The following MON2 variants were observed in gnomAD, a reference collection of about 807,000 sequenced individuals.
MON2 encodes MON2 regulator of endosome-to-Golgi trafficking.
Under a neutral mutation model 208.6 loss-of-function variants are expected in MON2, and 84 were observed. That is an observed-to-expected ratio of 0.40 (90% confidence interval 0.34 to 0.48). MON2 has a LOEUF of 0.48. Ranked by LOEUF, MON2 falls within the 20% of genes least tolerant of loss-of-function variation. The pLI is 0.59. For missense variants in MON2, 1,611 were observed against 2,015.4 expected (o/e 0.80, Z 3.84); for synonymous variants, 660 against 694.0 (o/e 0.95, Z 0.77).
intron 4 of MON2, among the ~76,000 whole-genome samples, chr12:62,497,512 C>A (rs1055065155): frequency 6.6e-6 from 1 of 152,096 alleles, no homozygotes; most frequent in Non-Finnish European, 1.5e-5. Flanking sequence ...GAAAAAAGAC[C>A]GTACCAAGTG....
intron 9 of MON2, 80 bp from the exon 10 acceptor site, chr12:62,525,004 A>G: frequency 2.5e-6 from 3 of 1,204,642 alleles, no homozygotes; most frequent in Non-Finnish European, 2.3e-6. Flanking sequence ...TCTTATAGTA[A>G]TATCACTTGC....
intron 19 of MON2, among the ~76,000 whole-genome samples, chr12:62,542,099 A>G (rs1006158824): frequency 1.3e-5 from 2 of 152,176 alleles, no homozygotes; most frequent in Non-Finnish European, 2.9e-5. Flanking sequence ...CTACTATACC[A>G]TATTCTCCCT....
chr12:62,491,436 A>G (rs2132648), intron 2 of MON2, among the ~76,000 whole-genome samples: 2 of 151,974 alleles, frequency 1.3e-5, no homozygotes, highest in Non-Finnish European at 2.9e-5. Context: ...CTTAAAATCA[A>G]TGGCATCTTA....
At chr12:62,514,737 C>T (rs1013815501) in intron 8 of MON2, among the ~76,000 whole-genome samples, 1 of 152,122 alleles carries the variant, frequency 6.6e-6, no homozygotes, top group Non-Finnish European at 1.5e-5. Flanking sequence ...AAATTACATA[C>T]CTGAAAAGGG....
rs2073038229 is a variant in MON2 at position 62,537,585 on chromosome 12, T to G, written c.2014-17T>G. On this transcript the variant is annotated splice_polypyrimidine_tract_variant and intron_variant, in intron 15 of 34. Coordinates refer to ENST00000393630, the MANE Select transcript of MON2 (RefSeq NM_015026.3). ...ATACATAACAATTATTGAAAATGTA[T>G]CCTTTTTAAAATATAGCTGACTTCC... The G allele has an allele frequency of 6.5e-7, 1 of 1,548,724 alleles. No individual in the cohort carries two copies. Among genetic ancestry groups the G allele is most frequent in the African/African-American group, 1.4e-5 (1 of 72,982 alleles).
rs2075570784 is a variant in MON2, at chr12:62,598,540, A to G, written c.*5791A>G. ...TTTCATTTGCTTTCCATCTCTTACTACTACCTCTGTGTCATAATTTAACAC... is the reference window on the plus strand; with the variant it reads ...TTTCATTTGCTTTCCATCTCTTACTGCTACCTCTGTGTCATAATTTAACAC... On this transcript the variant is annotated 3_prime_UTR_variant, in exon 35 of 35. Coordinates refer to ENST00000393630, the MANE Select transcript of MON2 (RefSeq NM_015026.3). 6.6e-6 allele frequency: 1 copy of G among 152,264 alleles called. No individual in the cohort carries two copies. The highest frequency in any genetic ancestry group is 3.4e-3 in the Middle Eastern group (1 of 294). The allele number at this position is 152,264 out of a possible 1,614,324, so 9.4% of individuals were successfully genotyped here.
chr12:62,561,425 T>C (rs1286857220), intron 26 of MON2, among the ~76,000 whole-genome samples: 3 of 152,176 alleles, frequency 2.0e-5, no homozygotes, highest in Admixed American at 2.0e-4. Context: ...ATAAAAGTTT[T>C]AGTAAAGTAC....
intron 31 of MON2, among the ~76,000 whole-genome samples, chr12:62,579,581 C>A (rs1413652457): frequency 7.4e-5 from 11 of 147,942 alleles, no homozygotes. Context: ...AAAAAATTAG[C>A]TGGGCGTGGT....
intron 11 of MON2, 61 bp from the exon 12 acceptor site, chr12:62,532,377 G>T: frequency 8.3e-7 from 1 of 1,207,996 alleles, no homozygotes; most frequent in East Asian, 2.4e-5. Flanking sequence ...GTAGAAAATA[G>T]TTTTATGTAT....
intron 30 of MON2, among the ~76,000 whole-genome samples, chr12:62,575,578 T>C (rs560638898): frequency 1.3e-5 from 2 of 152,328 alleles, no homozygotes; most frequent in East Asian, 3.9e-4. Context: ...ATAAATCCTT[T>C]AACCTAATTA....
chr12:62,547,243 A>G (rs2073528713), intron 22 of MON2, among the ~76,000 whole-genome samples, 171 bp downstream of exon 22: 1 of 152,166 alleles, frequency 6.6e-6, no homozygotes. Flanking sequence ...AAGATCTGTA[A>G]TAGTTTTTCT....
intron 12 of MON2, 92 bp downstream of exon 12, chr12:62,532,762 T>C: frequency 1.1e-6 from 1 of 893,628 alleles, no homozygotes; most frequent in Non-Finnish European, 1.8e-6. Context: ...CACCCTGACT[T>C]CTCAAGTGTT....
At chr12:62,487,551 C>T (rs2069875080) in intron 2 of MON2, among the ~76,000 whole-genome samples, 1 of 151,736 alleles carries the variant, frequency 6.6e-6, no homozygotes, top group Non-Finnish European at 1.5e-5. Flanking sequence ...CATGTTGTTC[C>T]CTCATCTTCT....
intron 7 of MON2, among the ~76,000 whole-genome samples, chr12:62,507,904 G>A (rs2071187750): frequency 1.3e-5 from 2 of 152,054 alleles, no homozygotes; most frequent in Non-Finnish European, 2.9e-5. Flanking sequence ...AAATTGCTGG[G>A]ACTACTGGTG....
rs770030270 is a variant in MON2 at position 62,565,331 on chromosome 12, A to G, written c.4127A>G (p.Gln1376Arg). The change falls in exon 27 of 35, where the codon CAG becomes CGG. Residue 1376 changes from glutamine (Q) to arginine (R), a missense_variant. Transcript: ENST00000393630. ...AFVEFSCKPP[Q>R]YGQLETKHIA... ...GTAGAATTTTCCTGTAAACCTCCAC[A>G]GTATGGACAGCTGGAAACAAAGCAC... 2.4e-5 allele frequency: 39 copies of G among 1,612,570 alleles called. No individual in the cohort carries two copies. The highest frequency in any genetic ancestry group is 1.4e-5 in the Non-Finnish European group (16 of 1,179,082).
At chr12:62,467,417 G>C in intron 1 of MON2, 99 bp downstream of exon 1, 1 of 947,008 alleles carries the variant, frequency 1.1e-6, no homozygotes, top group Non-Finnish European at 1.6e-6. Context: ...TTTCATTCAG[G>C]CCTCACCTTT....
At chr12:62,487,034 T>G (rs1370685901) in intron 2 of MON2, among the ~76,000 whole-genome samples, 1 of 152,164 alleles carries the variant, frequency 6.6e-6, no homozygotes, top group African/African-American at 2.4e-5. Flanking sequence ...ACATCTCCCC[T>G]TCTTTTAAGC....
At chr12:62,470,018 C>T (rs1021480831) in intron 1 of MON2, among the ~76,000 whole-genome samples, 2 of 151,888 alleles carry the variant, frequency 1.3e-5, no homozygotes, top group African/African-American at 4.8e-5. Context: ...GATTCTCCCA[C>T]CTCAACCCCC....
chr12:62,553,154 T>C lies in MON2; in HGVS notation c.3190T>C (p.Trp1064Arg). The C allele has an allele frequency of 6.2e-7, 1 of 1,613,996 alleles. No homozygotes were observed. The highest frequency in any genetic ancestry group is 1.6e-4 in the Middle Eastern group (1 of 6,062). ...AHGTLLQHST[W>R]HTVIWKVLFH... ...TGGAACTTTATTACAGCATTCAACC[T>C]GGCACACTGTTATCTGGAAGGTATT... Residue 1064 changes from tryptophan to arginine, a missense_variant, in exon 24 of 35, where the codon TGG (tryptophan) becomes CGG (arginine). Transcript: ENST00000393630.
Sources: allele counts gnomAD v4.1 joint callset (sites outside exome capture counted in the v4.1 genomes callset), GRCh38; gene constraint gnomAD v4.1.1; transcripts MANE v1.5; gene names NCBI Gene and HGNC (gene_info 2026-07-23, HGNC 2026-07-21).